EML6: variants seen among roughly 807,000 people sequenced by gnomAD.
The protein encoded by EML6 is echinoderm microtubule-associated protein-like 6.
Under a neutral mutation model 240.1 loss-of-function variants are expected in EML6, and 154 were observed. The ratio of observed to expected loss-of-function variants is 0.64; its 90% CI spans 0.56 to 0.73. The LOEUF is 0.73. Ranked by LOEUF, EML6 falls within the 30% of genes least tolerant of loss-of-function variation. The pLI is 0.00. For missense variants in EML6, 2,964 were observed against 2,474.6 expected (o/e 1.20, Z -4.20); for synonymous variants, 1,148 against 899.0 (o/e 1.28, Z -4.95).
intron 2 of EML6, among the ~76,000 whole-genome samples, chr2:54,802,769 C>A (rs1240801781): frequency 6.6e-6 from 1 of 152,166 alleles, no homozygotes; most frequent in Non-Finnish European, 1.5e-5. Flanking sequence ...CTGTGTCTCA[C>A]ACCCTGTGCT....
intron 14 of EML6, chr2:54,868,412 T>C (rs556180660): frequency 6.6e-6 from 1 of 152,342 alleles, no homozygotes; most frequent in South Asian, 2.1e-4. Context: ...TATTACTTAC[T>C]GTTAGAATGT....
chr2:54,914,821 T>TA (rs1180110109), intron 25 of EML6, among the ~76,000 whole-genome samples: 1 of 152,078 alleles, frequency 6.6e-6, no homozygotes, highest in Non-Finnish European at 1.5e-5. Flanking sequence ...GGTAAACTAA[T>TA]AAAAAGCTTA....
rs150826630 is a variant in EML6, at chr2:54,814,575, C to A, written c.357+1184C>A. Among the ~76,000 whole-genome samples, 92 of 152,250 alleles carry A rather than the reference C, an allele frequency of 6.0e-4. 1 individual carries two copies. Among genetic ancestry groups the A allele is most frequent in the African/African-American group, 2.0e-3 (85 of 41,540 alleles). On this transcript the variant is annotated intron_variant, in intron 3 of 41. Coordinates refer to ENST00000356458, the MANE Select transcript of EML6 (RefSeq NM_001039753.4). ...CCCTGCGTGTTTCTGCCTGTTAATTCCTTCAATCTAATTTTTGACAAGTTT... is the reference window on the plus strand; with the variant it reads ...CCCTGCGTGTTTCTGCCTGTTAATTACTTCAATCTAATTTTTGACAAGTTT...
chr2:54,737,686 C>T (rs1163727614), intron 2 of EML6, among the ~76,000 whole-genome samples: 1 of 152,210 alleles, frequency 6.6e-6, no homozygotes, highest in Non-Finnish European at 1.5e-5. Flanking sequence ...CTAAACACAG[C>T]AGCCAGAGTT....
rs1673152434 is a variant in EML6 at position 54,903,209 on chromosome 2, G to A, written c.3277+13G>A. The A allele has an allele frequency of 6.5e-7, 1 of 1,549,528 alleles. No individual in the cohort carries two copies. The highest frequency in any genetic ancestry group is 2.4e-5 in the East Asian group (1 of 40,894). On this transcript the variant is annotated intron_variant, in intron 23 of 41. Transcript: ENST00000356458. Reference sequence around the variant, plus strand: ...AAGTTTTCAAAAGGTGAAGATGACAGCAGATACTTTTTAAAATAGCACAGT... The same window carrying A: ...AAGTTTTCAAAAGGTGAAGATGACAACAGATACTTTTTAAAATAGCACAGT...
intron 2 of EML6, among the ~76,000 whole-genome samples, chr2:54,733,160 C>T (rs1259381742): frequency 6.6e-6 from 1 of 152,222 alleles, no homozygotes; most frequent in Non-Finnish European, 1.5e-5. Flanking sequence ...AGCAGGCCAG[C>T]CTACCTCCCG....
At chr2:54,859,419 C>G (rs1255999036) in intron 11 of EML6, 115 bp from the exon 12 acceptor site, 19 of 778,078 alleles carry the variant, frequency 2.4e-5, no homozygotes, top group Non-Finnish European at 3.9e-5. Flanking sequence ...GACGGAACAT[C>G]GTTTTCAGAT....
At chr2:54,804,312 C>T (rs1670350121) in intron 2 of EML6, among the ~76,000 whole-genome samples, 1 of 152,346 alleles carries the variant, frequency 6.6e-6, no homozygotes, top group African/African-American at 2.4e-5. Flanking sequence ...AGTCATACTC[C>T]TTGCTTAAAG....
At chr2:54,736,832 A>C (rs1157594450) in intron 2 of EML6, among the ~76,000 whole-genome samples, 1 of 152,186 alleles carries the variant, frequency 6.6e-6, no homozygotes, top group East Asian at 1.9e-4. Context: ...CACTGATGAC[A>C]TTTTCTTGCC....
At chr2:54,807,872 G>A (rs1670580563) in intron 2 of EML6, among the ~76,000 whole-genome samples, 1 of 152,166 alleles carries the variant, frequency 6.6e-6, no homozygotes, top group African/African-American at 2.4e-5. Context: ...GCCACTGTAT[G>A]GCTGTATTTT....
intron 19 of EML6, among the ~76,000 whole-genome samples, chr2:54,893,569 C>T (rs1672595680): frequency 6.6e-6 from 1 of 152,166 alleles, no homozygotes; most frequent in Non-Finnish European, 1.5e-5. Context: ...TTGGAGGGGG[C>T]TAATATTTAA....
intron 2 of EML6, among the ~76,000 whole-genome samples, chr2:54,787,905 C>T (rs1669175135): frequency 6.6e-6 from 1 of 152,132 alleles, no homozygotes; most frequent in African/African-American, 2.4e-5. Flanking sequence ...GTACACACCC[C>T]GTCCCCCGAG....
intron 2 of EML6, among the ~76,000 whole-genome samples, chr2:54,801,399 T>C (rs1311748037): frequency 6.6e-6 from 1 of 152,112 alleles, no homozygotes; most frequent in Non-Finnish European, 1.5e-5. Flanking sequence ...TAATGAAAAG[T>C]GGGCTGGGTC....
At chr2:54,863,614 A>G (rs1166046180) in intron 12 of EML6, among the ~76,000 whole-genome samples, 169 bp from the exon 13 acceptor site, 1 of 152,340 alleles carries the variant, frequency 6.6e-6, no homozygotes, top group Admixed American at 6.5e-5. Context: ...GGGTGGGCTG[A>G]ACTAAACCAA....
At chr2:54,855,446 A>G (rs1189661379) in intron 11 of EML6, among the ~76,000 whole-genome samples, 1 of 134,862 alleles carries the variant, frequency 7.4e-6, no homozygotes, top group Non-Finnish European at 1.5e-5. Flanking sequence ...TAATCCAGTT[A>G]CCTTCTACCA....
In EML6 at chr2:54,926,044, G is replaced by A. The variant is rs148642002; in HGVS notation, c.3676-2269G>A. ...GTAGGGGAGAGTGCACAGCTTTCAC[G>A]AGATTCTCAGGAATTTCTTCCCTAC... On this transcript the variant is annotated intron_variant, in intron 26 of 41. Coordinates refer to ENST00000356458, the MANE Select transcript of EML6 (RefSeq NM_001039753.4). Among the ~76,000 whole-genome samples the A allele has an allele frequency of 1.3e-3, 195 of 152,238 alleles. 1 individual carries two copies. The highest frequency in any genetic ancestry group is 3.4e-3 in the Middle Eastern group (1 of 294).
intron 2 of EML6, among the ~76,000 whole-genome samples, chr2:54,790,079 A>G (rs1350854996): frequency 6.6e-6 from 1 of 152,236 alleles, no homozygotes; most frequent in African/African-American, 2.4e-5. Flanking sequence ...CATTAAGTAA[A>G]TATTTGTTCA....
At chr2:54,802,679 T>C (rs1262788301) in intron 2 of EML6, among the ~76,000 whole-genome samples, 1 of 151,322 alleles carries the variant, frequency 6.6e-6, no homozygotes, top group Non-Finnish European at 1.5e-5. Context: ...CTACTACTAC[T>C]ACTACCAATA....
chr2:54,799,562 C>T (rs1178976119), intron 2 of EML6, among the ~76,000 whole-genome samples: 1 of 152,136 alleles, frequency 6.6e-6, no homozygotes, highest in African/African-American at 2.4e-5. Context: ...CCAGGATGGT[C>T]TCGATCTCCT....
Sources: allele counts gnomAD v4.1 joint callset (sites outside exome capture counted in the v4.1 genomes callset), GRCh38; gene constraint gnomAD v4.1.1; transcripts MANE v1.5; gene names NCBI Gene and HGNC (gene_info 2026-07-23, HGNC 2026-07-21).